The following MAP2K5 variants were observed in gnomAD, a reference collection of about 807,000 sequenced individuals.
MAP2K5 encodes dual specificity mitogen-activated protein kinase kinase 5.
MAP2K5 carries 49 observed loss-of-function variants against 83.1 expected under a neutral mutation model. That is an observed-to-expected ratio of 0.59 (90% CI 0.47 to 0.75). The LOEUF is 0.75. MAP2K5 is among the 30% of genes least tolerant of loss of function. The pLI, the probability that MAP2K5 is intolerant of heterozygous loss-of-function variation, is 0.00. For synonymous variants in MAP2K5, 202 were observed against 191.8 expected (o/e 1.05, Z -0.44); for missense variants, 457 against 557.5 (o/e 0.82, Z 1.82).
At chr15:67,656,892 A>G (rs2087096385) in intron 11 of MAP2K5, among the ~76,000 whole-genome samples, 1 of 152,226 alleles carries the variant, frequency 6.6e-6, no homozygotes, top group South Asian at 2.1e-4. Flanking sequence ...TGCCATTTTT[A>G]ACCTGATAAG....
intron 17 of MAP2K5, among the ~76,000 whole-genome samples, chr15:67,741,055 G>T (rs2089481165): frequency 6.7e-6 from 1 of 150,170 alleles, no homozygotes; most frequent in Non-Finnish European, 1.5e-5. Context: ...AAAAGTGAAT[G>T]CACTTTTAGC....
intron 8 of MAP2K5, among the ~76,000 whole-genome samples, chr15:67,616,659 C>G (rs1436521844): frequency 1.3e-5 from 2 of 152,110 alleles, no homozygotes; most frequent in African/African-American, 4.8e-5. Context: ...TTTAAAATAG[C>G]CTTTGTTCAC....
Position 67,690,338 on chromosome 15 carries a change from C to G in MAP2K5, c.848-2141C>G, listed in dbSNP as rs939547811. On this transcript the variant is annotated intron_variant, in intron 13 of 21. Transcript: ENST00000178640. This position sits in a 1 kb window ranked among gnomAD's most constrained non-coding sequence, Gnocchi z 4.3. Reference sequence around the variant, plus strand: ...GCACACTTGAAAGCACAACCCTGTTCTTAAGGAATTCATGTTCTGGTTGGT... The same window carrying G: ...GCACACTTGAAAGCACAACCCTGTTGTTAAGGAATTCATGTTCTGGTTGGT... Among the ~76,000 whole-genome samples the G allele has an allele frequency of 3.9e-5, 6 of 152,092 alleles. No individual in the cohort carries two copies. The South Asian group carries it at 1.2e-3, about 32-fold the overall frequency.
At chr15:67,664,373 C>T in intron 12 of MAP2K5, among the ~76,000 whole-genome samples, 1 of 145,716 alleles carries the variant, frequency 6.9e-6, no homozygotes, top group Non-Finnish European at 1.5e-5. Context: ...TGATGGTGCA[C>T]ACCTGTGGTC....
At chr15:67,752,570 C>G (rs905184157) in intron 19 of MAP2K5, among the ~76,000 whole-genome samples, 2 of 151,110 alleles carry the variant, frequency 1.3e-5, no homozygotes, top group African/African-American at 4.9e-5. Context: ...CCCCACTATT[C>G]GGGAGGCTGA....
chr15:67,604,473 G>T (rs987732319), intron 8 of MAP2K5, among the ~76,000 whole-genome samples: 9 of 152,206 alleles, frequency 5.9e-5, no homozygotes, highest in Non-Finnish European at 1.0e-4. Flanking sequence ...AGAATAGTAT[G>T]TGTTGTGGTT....
chr15:67,790,042 G>T lies in MAP2K5; in HGVS notation c.1243-16604G>T, dbSNP rs2090488642. On this transcript the variant is annotated intron_variant, in intron 21 of 21. Coordinates refer to ENST00000178640, the MANE Select transcript of MAP2K5 (RefSeq NM_145160.3). This position sits in a 1 kb window ranked among gnomAD's most constrained non-coding sequence, Gnocchi z 4.6. Reference sequence around the variant, plus strand: ...CAACATTGAGGTTGAATAGCCAATAGCTGGGGGTAAACTACAAGAGAGTCG... The same window carrying T: ...CAACATTGAGGTTGAATAGCCAATATCTGGGGGTAAACTACAAGAGAGTCG... 6.6e-6 allele frequency among the ~76,000 whole-genome samples: 1 copy of T among 152,186 alleles called. No individual in the cohort carries two copies. The highest frequency in any genetic ancestry group is 2.4e-5 in the African/African-American group (1 of 41,438).
intron 2 of MAP2K5, among the ~76,000 whole-genome samples, chr15:67,550,452 A>G (rs540602519): frequency 1.3e-5 from 2 of 152,352 alleles, no homozygotes; most frequent in East Asian, 3.9e-4. Flanking sequence ...ATAGCAACAA[A>G]GTAGAGCTTT....
intron 12 of MAP2K5, among the ~76,000 whole-genome samples, chr15:67,660,048 G>A (rs746731255): frequency 9.9e-5 from 15 of 152,134 alleles, no homozygotes; most frequent in Non-Finnish European, 1.6e-4. Flanking sequence ...GAGCTACTCT[G>A]AAGGATTGTT....
intron 19 of MAP2K5, among the ~76,000 whole-genome samples, chr15:67,766,670 T>A (rs2090047771): frequency 1.3e-5 from 2 of 152,202 alleles, no homozygotes; most frequent in South Asian, 4.1e-4. Flanking sequence ...TTCTTGGAGA[T>A]CTTTCACATC....
chr15:67,685,111 A>C (rs1229082406), intron 13 of MAP2K5, among the ~76,000 whole-genome samples: 1 of 152,160 alleles, frequency 6.6e-6, no homozygotes, highest in Admixed American at 6.5e-5. Flanking sequence ...AACTCAATGA[A>C]CCCTAACCAG....
intron 13 of MAP2K5, among the ~76,000 whole-genome samples, chr15:67,681,674 T>C (rs1049425562): frequency 2.6e-5 from 4 of 152,218 alleles, no homozygotes; most frequent in Non-Finnish European, 5.9e-5. Context: ...TTGATATTTT[T>C]AATGCAAAAG....
At chr15:67,649,147 GA>G (rs1469669720) in intron 11 of MAP2K5, among the ~76,000 whole-genome samples, 2 of 152,090 alleles carry the variant, frequency 1.3e-5, no homozygotes, top group Non-Finnish European at 2.9e-5. Flanking sequence ...TAATGATGTT[GA>G]GCATCTTTTC....
intron 4 of MAP2K5, among the ~76,000 whole-genome samples, chr15:67,584,705 GT>G (rs2085251421): frequency 8.4e-6 from 1 of 119,696 alleles, no homozygotes; most frequent in Non-Finnish European, 1.6e-5. Context: ...TTGACACAGA[GT>G]CTCGCTCTGT....
intron 8 of MAP2K5, among the ~76,000 whole-genome samples, chr15:67,613,411 T>C (rs186513155): frequency 1.3e-3 from 198 of 152,262 alleles, no homozygotes; most frequent in African/African-American, 4.6e-3. Context: ...GTCAGAGAGA[T>C]TACCTATTGT....
intron 9 of MAP2K5, among the ~76,000 whole-genome samples, chr15:67,634,150 G>A (rs72749383): frequency 7.7e-4 from 117 of 151,798 alleles, no homozygotes; most frequent in Admixed American, 1.6e-3. Flanking sequence ...CTTGAGCTCA[G>A]GAGTACGAGA....
In MAP2K5 at chr15:67,783,999, G is replaced by T. The variant is rs2090372420; in HGVS notation, c.1242+11247G>T. ...AAGTAACAATTGCACCTAACTTGGGGCTGAAGATGAATCCAGAAAGGATCC... is the reference window on the plus strand; with the variant it reads ...AAGTAACAATTGCACCTAACTTGGGTCTGAAGATGAATCCAGAAAGGATCC... On this transcript the variant is annotated intron_variant, in intron 21 of 21. Coordinates refer to ENST00000178640, the MANE Select transcript of MAP2K5 (RefSeq NM_145160.3). This position sits in a 1 kb window ranked among gnomAD's most constrained non-coding sequence, Gnocchi z 5.1. Among the ~76,000 whole-genome samples the T allele has an allele frequency of 6.6e-6, 1 of 152,178 alleles. No individual in the cohort carries two copies. The highest frequency in any genetic ancestry group is 1.5e-5 in the Non-Finnish European group (1 of 68,038).
At chr15:67,605,425 C>T (rs955527683) in intron 8 of MAP2K5, among the ~76,000 whole-genome samples, 4 of 152,046 alleles carry the variant, frequency 2.6e-5, no homozygotes, top group African/African-American at 4.8e-5. Flanking sequence ...GAAATTCTGC[C>T]TTTATATTAT....
rs557036748 is a variant in MAP2K5, at chr15:67,741,951, G to A, written c.1075-6280G>A. On this transcript the variant is annotated intron_variant, in intron 17 of 21. Coordinates refer to ENST00000178640, the MANE Select transcript of MAP2K5 (RefSeq NM_145160.3). ...GCTCTGTCGCTCAGGCTGGAGTGCA[G>A]TGGCACGATCTCAGCTCACTGCAAA... Among the ~76,000 whole-genome samples, 5 of 151,078 alleles carry A rather than the reference G, an allele frequency of 3.3e-5. No individual in the cohort carries two copies. In the South Asian group the frequency reaches 1.0e-3, roughly 32 times the overall value.
Sources: allele counts gnomAD v4.1 joint callset (sites outside exome capture counted in the v4.1 genomes callset), GRCh38; gene constraint gnomAD v4.1.1; non-coding constraint Gnocchi (gnomAD v3.1); transcripts MANE v1.5; gene names NCBI Gene and HGNC (gene_info 2026-07-23, HGNC 2026-07-21).